The following PDE3A variants were observed in gnomAD, a reference collection of about 807,000 sequenced individuals.
The protein encoded by PDE3A is cGMP-inhibited 3',5'-cyclic phosphodiesterase 3A.
Under a neutral mutation model 98.3 loss-of-function variants are expected in PDE3A, and 43 were observed. That is an observed-to-expected ratio of 0.44 (90% confidence interval 0.34 to 0.56). The LOEUF (loss-of-function observed/expected upper bound fraction) is 0.56, where lower values mean the gene tolerates loss of function less well. Among genes scored for constraint, PDE3A ranks in the 20% least tolerant of loss-of-function variants. The probability of loss-of-function intolerance (pLI) is 0.01; values close to 1 mark genes in which losing one functional copy is unlikely to be tolerated. For missense variants in PDE3A, 1,427 were observed against 1,440.7 expected (o/e 0.99, Z 0.15); for synonymous variants, 663 against 567.9 (o/e 1.17, Z -2.38).
intron 1 of PDE3A, among the ~76,000 whole-genome samples, chr12:20,488,015 A>G (rs1350122600): frequency 2.0e-5 from 3 of 152,302 alleles, no homozygotes; most frequent in African/African-American, 7.2e-5. Context: ...CATAATGCAT[A>G]TTCCTTCCTA....
intron 1 of PDE3A, among the ~76,000 whole-genome samples, chr12:20,454,593 A>G (rs1945122021): frequency 6.6e-6 from 1 of 152,032 alleles, no homozygotes; most frequent in Non-Finnish European, 1.5e-5. Context: ...CCTGGTACCC[A>G]TTATTTATTT....
At chr12:20,645,315 A>G (rs1321458337) in intron 10 of PDE3A, among the ~76,000 whole-genome samples, 3 of 152,040 alleles carry the variant, frequency 2.0e-5, no homozygotes, top group Non-Finnish European at 4.4e-5. Flanking sequence ...CTGATTCCTA[A>G]TGGCTGCCAG....
At chr12:20,381,860 CT>C (rs1220139643) in intron 1 of PDE3A, among the ~76,000 whole-genome samples, 2 of 151,866 alleles carry the variant, frequency 1.3e-5, no homozygotes, top group Non-Finnish European at 2.9e-5. Flanking sequence ...CTAGATTCTT[CT>C]TTTTTTCTAA....
chr12:20,551,965 G>A (rs1203515283), intron 1 of PDE3A: 40 of 1,612,774 alleles, frequency 2.5e-5, no homozygotes, highest in South Asian at 1.5e-4. Flanking sequence ...TCGGCCCCAC[G>A]TGGCTGGCAT....
At chr12:20,649,293 C>T (rs1438318304) in intron 13 of PDE3A, among the ~76,000 whole-genome samples, 1 of 151,986 alleles carries the variant, frequency 6.6e-6, no homozygotes, top group Admixed American at 6.6e-5. Flanking sequence ...TTGAACAAAA[C>T]ATGTTACTAT....
intron 1 of PDE3A, among the ~76,000 whole-genome samples, chr12:20,419,938 C>T (rs899713004): frequency 5.3e-5 from 8 of 151,868 alleles, no homozygotes; most frequent in African/African-American, 1.9e-4. Context: ...GGGGTTTCAC[C>T]ATGTTGGCCA....
rs895566282 is a variant in PDE3A, at chr12:20,681,909, T to A, written c.*1638T>A. 5.9e-5 allele frequency: 9 copies of A among 152,120 alleles called. No individual in the cohort carries two copies. The highest frequency in any genetic ancestry group is 1.2e-4 in the African/African-American group (5 of 41,452). The allele number at this position is 152,120 out of a possible 1,614,324, so 9.4% of individuals were successfully genotyped here. Reference sequence around the variant, plus strand: ...TTCTGTAGATAGTAAACTCTTTTTTTAAAAAAGGAAAAGGGAAACATTTTT... The same window carrying A: ...TTCTGTAGATAGTAAACTCTTTTTTAAAAAAAGGAAAAGGGAAACATTTTT... On this transcript the variant is annotated 3_prime_UTR_variant, in exon 16 of 16. Coordinates refer to ENST00000359062, the MANE Select transcript of PDE3A (RefSeq NM_000921.5).
At chr12:20,644,794 A>G (rs2121514463) in intron 10 of PDE3A, among the ~76,000 whole-genome samples, 1 of 151,444 alleles carries the variant, frequency 6.6e-6, no homozygotes, top group South Asian at 2.1e-4. Context: ...TTTTCTCCTC[A>G]GGAGGCTAGG....
chr12:20,536,706 T>C (rs1941758041), intron 1 of PDE3A, among the ~76,000 whole-genome samples: 1 of 152,168 alleles, frequency 6.6e-6, no homozygotes, highest in African/African-American at 2.4e-5. Flanking sequence ...TGGTGAAGTA[T>C]GTATCAGTAC....
intron 1 of PDE3A, among the ~76,000 whole-genome samples, chr12:20,527,202 G>C (rs1056783159): frequency 1.3e-5 from 2 of 152,054 alleles, no homozygotes; most frequent in African/African-American, 4.8e-5. Flanking sequence ...GTGCCCGGCC[G>C]TGTTTTTTTG....
At chr12:20,378,043 G>GT (rs2120527942) in intron 1 of PDE3A, among the ~76,000 whole-genome samples, 1 of 151,838 alleles carries the variant, frequency 6.6e-6, no homozygotes, top group Non-Finnish European at 1.5e-5. Flanking sequence ...GATGAAAATT[G>GT]TAACAGTGTC....
At chr12:20,574,979 G>A (rs1412384403) in intron 2 of PDE3A, among the ~76,000 whole-genome samples, 1 of 151,874 alleles carries the variant, frequency 6.6e-6, no homozygotes, top group African/African-American at 2.4e-5. Context: ...CCCCCAAATG[G>A]AAATATCTTC....
chr12:20,403,419 A>C (rs752392278), intron 1 of PDE3A, among the ~76,000 whole-genome samples: 13 of 152,190 alleles, frequency 8.5e-5, no homozygotes, highest in Non-Finnish European at 1.9e-4. Flanking sequence ...TTGTCAGGTT[A>C]ATAGTCTTAT....
intron 15 of PDE3A, among the ~76,000 whole-genome samples, chr12:20,673,094 A>G (rs11045384): frequency 0.5 from 75,800 of 151,196 alleles, 20,253 homozygotes; most frequent in East Asian, 0.72. Context: ...AAAACACATG[A>G]AAAAATGCTC....
chr12:20,472,965 A>G (rs1478849072), intron 1 of PDE3A, among the ~76,000 whole-genome samples: 1 of 152,152 alleles, frequency 6.6e-6, no homozygotes, highest in Non-Finnish European at 1.5e-5. Flanking sequence ...CATATTGTAA[A>G]TGATACTCAA....
At chr12:20,424,631 T>G (rs1044920757) in intron 1 of PDE3A, among the ~76,000 whole-genome samples, 2 of 152,218 alleles carry the variant, frequency 1.3e-5, no homozygotes, top group Admixed American at 6.5e-5. Flanking sequence ...ACCTGCCTTA[T>G]GGATGATTTA....
In PDE3A at chr12:20,533,723, G is replaced by GC. The variant is rs776856900; in HGVS notation, c.961-22933dup. Among the ~76,000 whole-genome samples the GC allele has an allele frequency of 3.6e-3, 530 of 147,466 alleles. 7 individuals carry two copies. The highest frequency in any genetic ancestry group is 0.013 in the African/African-American group (513 of 39,642). ...TCTCGATCTCCTGACCTCATGATCC[G>GC]CCCCGCCCCCCTTTGGACTCCCAAA... On this transcript the variant is annotated intron_variant, in intron 1 of 15. Transcript: ENST00000359062.
intron 12 of PDE3A, among the ~76,000 whole-genome samples, chr12:20,647,830 C>T (rs1944813814): frequency 6.6e-6 from 1 of 151,738 alleles, no homozygotes; most frequent in Non-Finnish European, 1.5e-5. Context: ...ATTATTTTTT[C>T]TAAATATAGG....
chr12:20,524,910 G>A (rs1419663414), intron 1 of PDE3A, among the ~76,000 whole-genome samples: 1 of 152,066 alleles, frequency 6.6e-6, no homozygotes, highest in Non-Finnish European at 1.5e-5. Context: ...TGAGGCGGGT[G>A]GATCACCTGA....
Sources: allele counts gnomAD v4.1 joint callset (sites outside exome capture counted in the v4.1 genomes callset), GRCh38; gene constraint gnomAD v4.1.1; transcripts MANE v1.5; gene names NCBI Gene and HGNC (gene_info 2026-07-23, HGNC 2026-07-21).